MED12L: variants seen among roughly 807,000 people sequenced by gnomAD.
The protein encoded by MED12L is mediator complex subunit 12L, also known as mediator of RNA polymerase II transcription subunit 12-like protein.
Under a neutral mutation model 281.3 loss-of-function variants are expected in MED12L, and 60 were observed. That is an observed-to-expected ratio of 0.21 (90% CI 0.17 to 0.26). The LOEUF is 0.26. MED12L is among the 10% of genes least tolerant of loss of function. The pLI, the probability that MED12L is intolerant of heterozygous loss-of-function variation, is 1.00. For missense variants in MED12L, 2,146 were observed against 2,680.9 expected, an observed-to-expected ratio of 0.80 and a Z score of 4.41; for synonymous variants, 974 against 987.2, an observed-to-expected ratio of 0.99 and a Z score of 0.25.
chr3:151,387,893 C>T lies in MED12L; in HGVS notation c.5172C>T (p.Ala1724=). The part of the protein sequence containing the change: ...GQKNPAPLSW[A]WFGTVRVDRR... Reference sequence around the variant, plus strand: ...AGAACCCAGCTCCTTTGTCCTGGGCCTGGTTTGGGACAGTCCGAGTGGACC... The same window carrying T: ...AGAACCCAGCTCCTTTGTCCTGGGCTTGGTTTGGGACAGTCCGAGTGGACC... Residue 1724 remains alanine, a synonymous_variant, in exon 37 of 45, where the codon GCC becomes GCT. Coordinates refer to ENST00000687756, the MANE Select transcript of MED12L (RefSeq NM_001393769.1). The T allele has an allele frequency of 6.2e-7, 1 of 1,614,102 alleles. No individual in the cohort carries two copies. Among genetic ancestry groups the T allele is most frequent in the South Asian group, 1.1e-5 (1 of 91,074 alleles).
chr3:151,194,982 G>A (rs1353597233), intron 16 of MED12L, among the ~76,000 whole-genome samples: 1 of 152,108 alleles, frequency 6.6e-6, no homozygotes, highest in African/African-American at 2.4e-5. Flanking sequence ...GGCTAACATG[G>A]TGAAACCCCG....
chr3:151,245,362 A>T (rs1300707129), intron 16 of MED12L, among the ~76,000 whole-genome samples: 1 of 151,644 alleles, frequency 6.6e-6, no homozygotes, highest in Admixed American at 6.6e-5. Flanking sequence ...TTGATGCAAA[A>T]ATCCTCAATA....
At position 151,122,843 on chromosome 3, in the gene MED12L, A is replaced by G. The variant is rs1298160384; in HGVS notation, c.265A>G (p.Thr89Ala). ...ACTGAAGCTTAACACTTTCCAGGAC[A>G]CGGGAAAGAAGAAACCACAAGTTAA... ...EKLKLNTFQD[T>A]GKKKPQVNAK... The change falls in exon 4 of 45, where the codon ACG becomes GCG. Residue 89 changes from threonine (T) to alanine (A), a missense_variant. Around this residue, in one of 9 missense-constraint regions of MED12L, gnomAD observed 722 missense variants for 861.2 expected, o/e 0.84. Coordinates refer to ENST00000687756, the MANE Select transcript of MED12L (RefSeq NM_001393769.1). 6.2e-7 allele frequency: 1 copy of G among 1,612,238 alleles called. No homozygotes were observed. Among genetic ancestry groups the G allele is most frequent in the South Asian group, 1.1e-5 (1 of 90,688 alleles).
At chr3:151,420,523 T>C (rs1718118577) in intron 43 of MED12L, among the ~76,000 whole-genome samples, 1 of 152,218 alleles carries the variant, frequency 6.6e-6, no homozygotes, top group Admixed American at 6.5e-5. Flanking sequence ...CCTTGATTCC[T>C]GGACTTGTGA....
chr3:151,178,891 T>G (rs1330317965), intron 11 of MED12L, among the ~76,000 whole-genome samples: 1 of 152,242 alleles, frequency 6.6e-6, no homozygotes, highest in African/African-American at 2.4e-5. Flanking sequence ...AATCTGCAAG[T>G]TATTTTATAT....
rs1164485533 is a variant in MED12L, at chr3:151,434,727, T to C, written c.*1923T>C. 2 of 152,252 alleles carry C rather than the reference T, an allele frequency of 1.3e-5. No homozygotes were observed. Among genetic ancestry groups the C allele is most frequent in the Admixed American group, 1.3e-4 (2 of 15,288 alleles). 9.4% of individuals were successfully genotyped at this position (152,252 alleles called of 1,614,324 possible). On this transcript the variant is annotated 3_prime_UTR_variant, in exon 45 of 45. Transcript: ENST00000687756. ...CATCATTATTTCTTTCCAAATTTCTTTGCCAGTTCAGTTTGAACCATATAT... is the reference window on the plus strand; with the variant it reads ...CATCATTATTTCTTTCCAAATTTCTCTGCCAGTTCAGTTTGAACCATATAT...
intron 16 of MED12L, 66 bp downstream of exon 16, chr3:151,193,732 G>A (rs768907016): frequency 3.0e-5 from 40 of 1,351,656 alleles, no homozygotes; most frequent in African/African-American, 7.2e-5. Flanking sequence ...ACTGTTGAAC[G>A]TCAGATTATT....
intron 16 of MED12L, chr3:151,294,996 C>T (rs200315900): frequency 6.2e-7 from 1 of 1,613,704 alleles, no homozygotes; most frequent in African/African-American, 1.3e-5. Context: ...TCTGCAACCA[C>T]TATGTTTTTG....
At chr3:151,353,619 A>G (rs1024029242) in intron 17 of MED12L, among the ~76,000 whole-genome samples, 1 of 152,216 alleles carries the variant, frequency 6.6e-6, no homozygotes, top group African/African-American at 2.4e-5. Context: ...TGTAACCACT[A>G]ATTGCTTATT....
chr3:151,253,220 A>G (rs1737172487), intron 16 of MED12L, among the ~76,000 whole-genome samples: 1 of 152,166 alleles, frequency 6.6e-6, no homozygotes, highest in Non-Finnish European at 1.5e-5. Context: ...GTTCCGAGAA[A>G]AGCCAACAAA....
chr3:151,185,142 T>G (rs1723111785), intron 11 of MED12L, among the ~76,000 whole-genome samples, 188 bp from the exon 12 acceptor site: 1 of 152,216 alleles, frequency 6.6e-6, no homozygotes, highest in Non-Finnish European at 1.5e-5. Flanking sequence ...CATAAGTGAT[T>G]TCTTTCCTTG....
chr3:151,120,876 G>A (rs1713649301), intron 3 of MED12L, among the ~76,000 whole-genome samples: 1 of 151,960 alleles, frequency 6.6e-6, no homozygotes, highest in South Asian at 2.1e-4. Flanking sequence ...TTGCTTTCTT[G>A]GGAATTTTGA....
At position 151,127,945 on chromosome 3, in the gene MED12L, G is replaced by A. The variant is rs763808255; in HGVS notation, c.517G>A (p.Ala173Thr). The A allele has an allele frequency of 1.7e-5, 27 of 1,613,846 alleles. No individual in the cohort carries two copies. In the South Asian group the frequency reaches 2.6e-4, roughly 16 times the overall value. ...TCAYYSAISE[A>T]KIKKRQAPDP... ...TGCCTATTATTCTGCTATATCTGAA[G>A]CTAAAATTAAGAAACGTCAGGCTCC... The change falls in exon 5 of 45, where the codon GCT becomes ACT. Residue 173 changes from alanine (A) to threonine (T), a missense_variant. Physicochemically the swap from Ala to Thr is moderately conservative, Grantham distance 58. This residue lies in a region of MED12L where 722 missense variants were observed against 861.2 expected (regional missense o/e 0.84). Transcript: ENST00000687756.
At chr3:151,219,195 C>T (rs745841538) in intron 16 of MED12L, among the ~76,000 whole-genome samples, 4 of 152,112 alleles carry the variant, frequency 2.6e-5, no homozygotes, top group Non-Finnish European at 5.9e-5. Context: ...AGTGTAATAT[C>T]TTAGGATTGT....
chr3:151,405,245 A>G (rs866565723), intron 39 of MED12L, among the ~76,000 whole-genome samples: 8 of 152,220 alleles, frequency 5.3e-5, no homozygotes, highest in African/African-American at 1.7e-4. Context: ...AGCAGAGTGC[A>G]TGAAAATGAA....
chr3:151,214,198 T>C lies in MED12L; in HGVS notation c.2250+20532T>C, dbSNP rs766139355. The C allele has an allele frequency of 4.3e-5, 70 of 1,613,900 alleles. No individual in the cohort carries two copies. The highest frequency in any genetic ancestry group is 6.7e-5 in the African/African-American group (5 of 74,906). On this transcript the variant is annotated intron_variant, in intron 16 of 44. Coordinates refer to ENST00000687756, the MANE Select transcript of MED12L (RefSeq NM_001393769.1). ...AAAGAATATCCATCCTGACACTCCA[T>C]TGAGTAGGATTCCTGCAATGAAGAC... is the stretch of plus-strand genomic sequence containing the variant.
intron 16 of MED12L, among the ~76,000 whole-genome samples, chr3:151,349,820 G>A (rs988700407): frequency 6.6e-6 from 1 of 150,514 alleles, no homozygotes; most frequent in South Asian, 2.1e-4. Context: ...CCCACATCAA[G>A]TGCTTCTATT....
chr3:151,141,243 C>G (rs145195639), intron 5 of MED12L, among the ~76,000 whole-genome samples: 2 of 139,932 alleles, frequency 1.4e-5, no homozygotes, highest in Non-Finnish European at 3.0e-5. Context: ...AGGCTGGTCT[C>G]GAAATCCTGA....
rs138257212 is a variant in MED12L, at chr3:151,362,982, C to T, written c.2958-1997C>T. On this transcript the variant is annotated intron_variant, in intron 21 of 44. Coordinates refer to ENST00000687756, the MANE Select transcript of MED12L (RefSeq NM_001393769.1). ...TACATGATTTAGTTCTTACAGCAGC[C>T]GTTTTTTTAATAGTGAACTTCCTCA... is the stretch of plus-strand genomic sequence containing the variant. Among the ~76,000 whole-genome samples, 875 of 152,168 alleles carry T rather than the reference C, an allele frequency of 5.8e-3. 14 individuals are homozygous for T. Among genetic ancestry groups the T allele is most frequent in the African/African-American group, 0.019 (802 of 41,506 alleles).
Sources: allele counts gnomAD v4.1 joint callset (sites outside exome capture counted in the v4.1 genomes callset), GRCh38; gene constraint gnomAD v4.1.1; regional missense constraint gnomAD v4.1.1; transcripts MANE v1.5; gene names NCBI Gene and HGNC (gene_info 2026-07-23, HGNC 2026-07-21).